SEC31A: variants seen among roughly 807,000 people sequenced by gnomAD.
The protein encoded by SEC31A is protein transport protein Sec31A.
Under a neutral mutation model 151.0 loss-of-function variants are expected in SEC31A, and 70 were observed. The observed-to-expected ratio is 0.46, with a 90% CI of 0.38 to 0.57. The LOEUF (loss-of-function observed/expected upper bound fraction) is 0.57, where lower values mean the gene tolerates loss of function less well. Among genes scored for constraint, SEC31A ranks in the 20% least tolerant of loss-of-function variants. The pLI is 0.00. For synonymous variants in SEC31A, 475 were observed against 505.9 expected, an observed-to-expected ratio of 0.94 and a Z score of 0.82; for missense variants, 1,330 against 1,471.2, an observed-to-expected ratio of 0.90 and a Z score of 1.57.
At chr4:82,840,311 GCCA>G (rs1728442998) in intron 22 of SEC31A, among the ~76,000 whole-genome samples, 1 of 151,688 alleles carries the variant, frequency 6.6e-6, no homozygotes, top group African/African-American at 2.4e-5. Context: ...TCCAACCCAC[GCCA>G]CCTCTTTCAC....
At position 82,898,942 on chromosome 4, in the gene SEC31A, A is replaced by G. The variant is rs1245887682; in HGVS notation, c.-2+771T>C. ...GTACACAAATGTTCATAATAGTAAA[A>G]AAAAAAATTGGAAAACCCAAATGTC... On this transcript the variant is annotated intron_variant, in intron 3 of 28. Coordinates refer to the SEC31A transcript ENST00000355196. Among the ~76,000 whole-genome samples, 10 of 152,218 alleles carry G rather than the reference A, an allele frequency of 6.6e-5. No individual in the cohort carries two copies. The East Asian group carries it at 1.9e-3, about 29-fold the overall frequency.
chr4:82,858,992 C>T (rs575598513), intron 14 of SEC31A, among the ~76,000 whole-genome samples: 298 of 152,122 alleles, frequency 2.0e-3, no homozygotes, highest in African/African-American at 6.7e-3. Flanking sequence ...TGAGCCACCA[C>T]GCCAGGCCGG....
At chr4:82,891,200 C>A, upstream of SEC31A, 2 of 1,529,650 alleles carry the variant, frequency 1.3e-6, no homozygotes, top group East Asian at 4.9e-5. Flanking sequence ...CGTTCCGTTC[C>A]AACGTGGCAG....
intron 10 of SEC31A, 126 bp downstream of exon 10, chr4:82,866,682 A>G (rs1249639448): frequency 2.5e-6 from 2 of 801,474 alleles, no homozygotes; most frequent in Non-Finnish European, 3.7e-6. Context: ...GAATGATGAA[A>G]TACCCACAAG....
chr4:82,828,948 C>T (rs115609038), intron 23 of SEC31A, 52 bp downstream of exon 23: 16,012 of 1,418,634 alleles, frequency 0.011, 124 homozygotes, highest in African/African-American at 0.013. Flanking sequence ...CAAGTGGCTA[C>T]GTGGTTAACA....
upstream of SEC31A, chr4:82,891,224 C>T: frequency 6.7e-7 from 1 of 1,500,504 alleles, no homozygotes; most frequent in South Asian, 1.2e-5. Context: ...CAGCCGCAGC[C>T]ACGCCCTGCG....
At chr4:82,858,380 C>T (rs553532362) in intron 14 of SEC31A, among the ~76,000 whole-genome samples, 9 of 151,748 alleles carry the variant, frequency 5.9e-5, no homozygotes, top group African/African-American at 1.9e-4. Flanking sequence ...CCCGTCTCTA[C>T]TAAAAATACA....
chr4:82,857,322 A>G (rs1262732361), intron 15 of SEC31A, among the ~76,000 whole-genome samples, 192 bp from the exon 16 acceptor site: 1 of 146,024 alleles, frequency 6.8e-6, no homozygotes, highest in Non-Finnish European at 1.5e-5. Flanking sequence ...AAATATGCTG[A>G]GATAAATACA....
At position 82,880,910 on chromosome 4, in the gene SEC31A, T is replaced by C; in HGVS notation, c.92A>G (p.Gln31Arg). Residue 31 changes from glutamine to arginine, a missense_variant, in exon 3 of 27, where the codon CAG (glutamine) becomes CGG (arginine). Transcript: ENST00000395310. ...PIYLATGTSA[Q>R]QLDATFSTNA... is the part of the protein sequence containing the mutation. ...CGTACTAAATGTTGCATCCAATTGC[T>C]GAGCAGATGTTCCTATAGAAAATAT... The C allele has an allele frequency of 1.2e-6, 2 of 1,607,398 alleles. No individual in the cohort carries two copies. Among genetic ancestry groups the C allele is most frequent in the Non-Finnish European group, 1.7e-6 (2 of 1,175,968 alleles).
intron 22 of SEC31A, among the ~76,000 whole-genome samples, chr4:82,841,772 G>A (rs1728941826): frequency 5.3e-5 from 8 of 151,386 alleles, no homozygotes; most frequent in Admixed American, 4.0e-4. Context: ...AGGAGTTCGA[G>A]ACCAGCCTGG....
chr4:82,870,221 T>A, intron 8 of SEC31A, 104 bp downstream of exon 8: 1 of 806,118 alleles, frequency 1.2e-6, no homozygotes. Context: ...CCACATACTC[T>A]TCACATAGTA....
chr4:82,867,825 G>A (rs899831121), intron 8 of SEC31A, among the ~76,000 whole-genome samples: 38 of 152,152 alleles, frequency 2.5e-4, no homozygotes, highest in Non-Finnish European at 5.1e-4. Flanking sequence ...TAGAGATGGC[G>A]TTTCACCACG....
chr4:82,849,090 C>A, intron 19 of SEC31A, 113 bp from the exon 20 acceptor site: 1 of 973,878 alleles, frequency 1.0e-6, no homozygotes. Flanking sequence ...GTTCATAATG[C>A]TGGGTATTAT....
intron 3 of SEC31A, among the ~76,000 whole-genome samples, chr4:82,879,456 A>G (rs558349808): frequency 6.6e-6 from 1 of 152,346 alleles, no homozygotes; most frequent in South Asian, 2.1e-4. Flanking sequence ...TTTCTAAGAA[A>G]AAGAATGTAT....
chr4:82,862,512 C>T lies in SEC31A; in HGVS notation c.1548+22G>A, dbSNP rs367859438. 5 of 1,602,342 alleles carry T rather than the reference C, an allele frequency of 3.1e-6. No individual in the cohort carries two copies. In the African/African-American group the frequency reaches 4.0e-5, roughly 13 times the overall value. On this transcript the variant is annotated intron_variant, in intron 13 of 26. Coordinates refer to ENST00000395310, the MANE Select transcript of SEC31A (RefSeq NM_001077207.4). ...ACCTAGCCAAAGTTTTAGAAGGTAG[C>T]TATTTTTAAAGGCCTTCTTACCACA... is the stretch of plus-strand genomic sequence containing the variant.
intron 22 of SEC31A, among the ~76,000 whole-genome samples, chr4:82,837,194 TATATA>T (rs1280138041): frequency 0.017 from 970 of 58,336 alleles, 34 homozygotes; most frequent in Middle Eastern, 0.03. Flanking sequence ...TATATATATA[TATATA>T]ATTTCACCAC....
intron 6 of SEC31A, among the ~76,000 whole-genome samples, chr4:82,873,312 C>T (rs1053386345): frequency 2.6e-5 from 4 of 151,072 alleles, no homozygotes; most frequent in Admixed American, 1.3e-4. Flanking sequence ...GCCATGATTG[C>T]GCCCCTACAC....
chr4:82,891,085 C>G lies in SEC31A; in HGVS notation c.-5+3G>C. The G allele has an allele frequency of 1.3e-6, 2 of 1,535,982 alleles. No individual in the cohort carries two copies. The highest frequency in any genetic ancestry group is 8.7e-7 in the Non-Finnish European group (1 of 1,146,792). On this transcript the variant is annotated splice_donor_region_variant and intron_variant, in intron 1 of 26. Transcript: ENST00000395310. Reference sequence around the variant, plus strand: ...GAGGACAAAAAGCAACGGGCGGACGCACCTGGCGAGGACCTTCGGCAGCCG... The same window carrying G: ...GAGGACAAAAAGCAACGGGCGGACGGACCTGGCGAGGACCTTCGGCAGCCG...
intron 20 of SEC31A, among the ~76,000 whole-genome samples, chr4:82,845,808 T>C (rs747400328): frequency 3.9e-5 from 6 of 152,006 alleles, no homozygotes; most frequent in Non-Finnish European, 8.8e-5. Flanking sequence ...ACTCATACAA[T>C]CAGAGTATTA....
Sources: allele counts gnomAD v4.1 joint callset (sites outside exome capture counted in the v4.1 genomes callset), GRCh38; gene constraint gnomAD v4.1.1; transcripts MANE v1.5; gene names NCBI Gene and HGNC (gene_info 2026-07-23, HGNC 2026-07-21).